The following GDPD4 variants were observed in gnomAD, a reference collection of about 807,000 sequenced individuals.
GDPD4 encodes glycerophosphodiester phosphodiesterase domain containing 4, also known as glycerophosphodiester phosphodiesterase 6.
In GDPD4, 60 loss-of-function variants were observed where a neutral mutation model predicts 67.8. The ratio of observed to expected loss-of-function variants is 0.88; its 90% CI spans 0.72 to 1.10. GDPD4 has a LOEUF of 1.10. Among genes scored for constraint, GDPD4 ranks in the 50% least tolerant of loss-of-function variants. The probability of loss-of-function intolerance (pLI) is 0.00; values close to 1 mark genes in which losing one functional copy is unlikely to be tolerated. For missense variants in GDPD4, 623 were observed against 613.9 expected (o/e 1.01, Z -0.16); for synonymous variants, 212 against 210.9 (o/e 1.00, Z -0.04).
intron 11 of GDPD4, among the ~76,000 whole-genome samples, chr11:77,251,548 T>G (rs1240684479): frequency 6.6e-6 from 1 of 152,244 alleles, no homozygotes; most frequent in African/African-American, 2.4e-5. Flanking sequence ...TACTCTCTCC[T>G]GGTCTGGATA....
At chr11:77,271,456 A>G in intron 5 of GDPD4, 63 bp from the exon 6 acceptor site, 1 of 953,888 alleles carries the variant, frequency 1.0e-6, no homozygotes, top group Non-Finnish European at 1.7e-6. Flanking sequence ...AACTGTCCTC[A>G]GGAATTATAT....
At chr11:77,267,215 G>A (rs1057339220) in intron 10 of GDPD4, among the ~76,000 whole-genome samples, 1 of 152,210 alleles carries the variant, frequency 6.6e-6, no homozygotes, top group African/African-American at 2.4e-5. Context: ...TGCAGCCGAA[G>A]AGTAACAGGT....
intron 16 of GDPD4, among the ~76,000 whole-genome samples, chr11:77,220,156 G>A (rs1415213774): frequency 6.6e-6 from 1 of 152,188 alleles, no homozygotes; most frequent in Non-Finnish European, 1.5e-5. Context: ...TCTGCAAACA[G>A]GGACAATTTG....
rs546974050 is a variant in GDPD4 at position 77,250,715 on chromosome 11, T to G, written c.865-5213A>C. Among the ~76,000 whole-genome samples, 17 of 152,292 alleles carry G rather than the reference T, an allele frequency of 1.1e-4. No homozygotes were observed. In the East Asian group the frequency reaches 3.3e-3, roughly 29 times the overall value. ...ACAGTTTCAATCCAATGTTGATCTT[T>G]TGTCTAGATGATCTGTTCAATGCCC... is the stretch of plus-strand genomic sequence containing the variant. On this transcript the variant is annotated intron_variant, in intron 11 of 16. Coordinates refer to ENST00000315938, the MANE Select transcript of GDPD4 (RefSeq NM_182833.3).
At chr11:77,263,479 G>A (rs971142299) in intron 10 of GDPD4, among the ~76,000 whole-genome samples, 2 of 152,116 alleles carry the variant, frequency 1.3e-5, no homozygotes, top group African/African-American at 2.4e-5. Flanking sequence ...CAACAGTAGA[G>A]ATGAAGTTCT....
intron 11 of GDPD4, among the ~76,000 whole-genome samples, chr11:77,252,032 A>G (rs1452203620): frequency 7.2e-6 from 1 of 139,096 alleles, no homozygotes; most frequent in Non-Finnish European, 1.5e-5. Flanking sequence ...AAGGGTGTCC[A>G]TTTGGGTTTT....
At chr11:77,296,023 G>A (rs1411857107) in intron 1 of GDPD4, among the ~76,000 whole-genome samples, 9 of 151,816 alleles carry the variant, frequency 5.9e-5, no homozygotes, top group African/African-American at 1.9e-4. Flanking sequence ...AGGCCGAGGC[G>A]GGCAGATCAC....
At chr11:77,255,125 GCACCTAAA>G (rs767386987) in intron 11 of GDPD4, among the ~76,000 whole-genome samples, 67 of 151,988 alleles carry the variant, frequency 4.4e-4, no homozygotes, top group Admixed American at 1.4e-3. Flanking sequence ...TACAAGCAAA[GCACCTAAA>G]CACCCTAAAC....
intron 1 of GDPD4, among the ~76,000 whole-genome samples, chr11:77,295,369 T>C (rs1304281995): frequency 6.6e-6 from 1 of 151,268 alleles, no homozygotes; most frequent in South Asian, 2.1e-4. Flanking sequence ...TGGCAGGTCA[T>C]GCCTGTAATC....
chr11:77,246,700 G>A (rs1958790624), intron 11 of GDPD4, among the ~76,000 whole-genome samples: 1 of 152,054 alleles, frequency 6.6e-6, no homozygotes, highest in Non-Finnish European at 1.5e-5. Context: ...AGTATGTCTG[G>A]TACATAGATA....
intron 11 of GDPD4, among the ~76,000 whole-genome samples, chr11:77,252,072 T>TTTTTTTGTTTTTG (rs1565523382): frequency 2.7e-5 from 4 of 147,928 alleles, no homozygotes; most frequent in African/African-American, 9.9e-5. Flanking sequence ...TTTGTTTTTT[T>TTTTTTTGTTTTTG]TTTTTTTTTG....
At chr11:77,294,399 G>A (rs1016552979) in intron 1 of GDPD4, among the ~76,000 whole-genome samples, 67 of 152,006 alleles carry the variant, frequency 4.4e-4, no homozygotes, top group African/African-American at 1.5e-3. Context: ...CACATACTTA[G>A]GTATAAATCT....
rs1307381280 is a variant in GDPD4, at chr11:77,254,704, TAAAG to T, written c.864+3678_864+3681del. ...AGTTCCACGGAAGTGTTGGTTGGGCTAAAGAAACAGGAATTCAGTTTAGCTTCCA... is the reference window on the plus strand; with the variant it reads ...AGTTCCACGGAAGTGTTGGTTGGGCTAAACAGGAATTCAGTTTAGCTTCCA... On this transcript the variant is annotated intron_variant, in intron 11 of 16. Coordinates refer to ENST00000315938, the MANE Select transcript of GDPD4 (RefSeq NM_182833.3). 4.6e-5 allele frequency among the ~76,000 whole-genome samples: 7 copies of T among 152,296 alleles called. No homozygotes were observed. In the South Asian group the frequency reaches 1.5e-3, roughly 32 times the overall value.
At chr11:77,259,812 G>C (rs1403818506) in intron 10 of GDPD4, among the ~76,000 whole-genome samples, 1 of 152,178 alleles carries the variant, frequency 6.6e-6, no homozygotes, top group African/African-American at 2.4e-5. Flanking sequence ...AAGTCCATAA[G>C]TGTATGGCTA....
intron 3 of GDPD4, among the ~76,000 whole-genome samples, chr11:77,280,425 TA>T (rs35301998): frequency 0.083 from 12,202 of 147,684 alleles, 811 homozygotes; most frequent in East Asian, 0.24. Flanking sequence ...TTTTCGAAAT[TA>T]AAAAAAAAAA....
intron 6 of GDPD4, 25 bp downstream of exon 6, chr11:77,271,270 G>C (rs377084434): frequency 6.2e-7 from 1 of 1,606,796 alleles, no homozygotes; most frequent in Admixed American, 1.7e-5. Flanking sequence ...GACAGCTAGT[G>C]CTGGAGCTAT....
chr11:77,283,724 T>G (rs185494959), intron 3 of GDPD4, among the ~76,000 whole-genome samples: 2 of 151,962 alleles, frequency 1.3e-5, no homozygotes, highest in Admixed American at 1.3e-4. Context: ...TGATTCAAAT[T>G]AAAACAAAAA....
At chr11:77,235,880 TAGTAGTTTG>T (rs1361458523) in intron 13 of GDPD4, among the ~76,000 whole-genome samples, 1 of 151,174 alleles carries the variant, frequency 6.6e-6, no homozygotes, top group East Asian at 1.9e-4. Context: ...GGCTTGAGCC[TAGTAGTTTG>T]AGACTACAGT....
At chr11:77,255,912 T>C (rs1958995384) in intron 11 of GDPD4, among the ~76,000 whole-genome samples, 1 of 151,984 alleles carries the variant, frequency 6.6e-6, no homozygotes, top group Non-Finnish European at 1.5e-5. Context: ...AAAATAAGGA[T>C]GCTATTTAAT....
Sources: gnomAD v4.1 joint callset for allele counts (sites outside exome capture counted in the v4.1 genomes callset) on GRCh38, gnomAD v4.1.1 for gene constraint, MANE v1.5 for transcripts, NCBI Gene and HGNC (gene_info 2026-07-23, HGNC 2026-07-21) for gene names.